The following CPQ variants were observed in gnomAD, a reference collection of about 807,000 sequenced individuals.
CPQ encodes carboxypeptidase Q, also known as Ser-Met dipeptidase.
A neutral mutation model predicts 45.7 loss-of-function variants in CPQ; 37 were observed. The observed-to-expected ratio is 0.81, with a 90% confidence interval of 0.62 to 1.07. CPQ has a LOEUF of 1.07. Ranked by LOEUF, CPQ falls within the 50% of genes least tolerant of loss-of-function variation. The probability of loss-of-function intolerance (pLI) is 0.00; values close to 1 mark genes in which losing one functional copy is unlikely to be tolerated. For synonymous variants in CPQ, 186 were observed against 205.8 expected (o/e 0.90, Z 0.82); for missense variants, 537 against 572.9 (o/e 0.94, Z 0.64).
At chr8:96,756,592 G>T (rs1440399997) in intron 1 of CPQ, among the ~76,000 whole-genome samples, 9 of 152,056 alleles carry the variant, frequency 5.9e-5, no homozygotes, top group Admixed American at 5.2e-4. Flanking sequence ...TAAAGGTCAA[G>T]ATTAAATGGA....
At chr8:97,017,557 G>A (rs912060435) in intron 5 of CPQ, among the ~76,000 whole-genome samples, 12 of 151,890 alleles carry the variant, frequency 7.9e-5, no homozygotes, top group African/African-American at 2.9e-4. Context: ...CAGACTTGGT[G>A]CTGTTGGGAG....
chr8:97,021,534 C>G (rs1809683065), intron 5 of CPQ, among the ~76,000 whole-genome samples: 1 of 152,120 alleles, frequency 6.6e-6, no homozygotes, highest in African/African-American at 2.4e-5. Flanking sequence ...AATTAACGTA[C>G]AGAAATCAGT....
At chr8:96,796,130 CAGTGTATCTTCA>C (rs528366242) in intron 2 of CPQ, among the ~76,000 whole-genome samples, 61 of 152,108 alleles carry the variant, frequency 4.0e-4, no homozygotes, top group Non-Finnish European at 7.9e-4. Context: ...CTCTTATTAG[CAGTGTATCTTCA>C]AAACCCTGCA....
chr8:97,099,113 CTCT>C (rs1811256989), intron 7 of CPQ, among the ~76,000 whole-genome samples: 4 of 90,524 alleles, frequency 4.4e-5, no homozygotes, highest in Middle Eastern at 6.0e-3. Context: ...TCCCTTCTCT[CTCT>C]TTTTTTTTTT....
At chr8:96,960,610 G>A (rs1813443113) in intron 4 of CPQ, among the ~76,000 whole-genome samples, 1 of 152,096 alleles carries the variant, frequency 6.6e-6, no homozygotes, top group African/African-American at 2.4e-5. Context: ...GTCTTTGAAG[G>A]TCACTGTGTT....
chr8:96,950,793 C>T (rs1003807074), intron 4 of CPQ, among the ~76,000 whole-genome samples: 2 of 152,160 alleles, frequency 1.3e-5, no homozygotes, highest in East Asian at 1.9e-4. Flanking sequence ...ACCTTCCTTA[C>T]AATTGCTGTT....
At chr8:97,099,478 G>T (rs910658269) in intron 7 of CPQ, among the ~76,000 whole-genome samples, 1 of 151,430 alleles carries the variant, frequency 6.6e-6, no homozygotes, top group Non-Finnish European at 1.5e-5. Context: ...GAAGGGGCAG[G>T]TATTTTCTTT....
intron 1 of CPQ, among the ~76,000 whole-genome samples, chr8:96,677,466 A>T (rs949017746): frequency 6.6e-6 from 1 of 151,960 alleles, no homozygotes; most frequent in African/African-American, 2.4e-5. Context: ...GGCTGTTTGT[A>T]TGTCTTCTTT....
At chr8:96,929,100 G>T (rs1441480880) in intron 4 of CPQ, among the ~76,000 whole-genome samples, 1 of 152,174 alleles carries the variant, frequency 6.6e-6, no homozygotes, top group African/African-American at 2.4e-5. Flanking sequence ...AGCTTGCTCG[G>T]GCTTTTGAAT....
intron 2 of CPQ, among the ~76,000 whole-genome samples, chr8:96,815,568 T>A (rs1811217115): frequency 6.6e-6 from 1 of 152,114 alleles, no homozygotes; most frequent in Admixed American, 6.6e-5. Flanking sequence ...GGATTTTGAA[T>A]TCTCTGATCC....
At chr8:96,922,554 G>A (rs985508065) in intron 4 of CPQ, among the ~76,000 whole-genome samples, 2 of 152,122 alleles carry the variant, frequency 1.3e-5, no homozygotes, top group Non-Finnish European at 2.9e-5. Context: ...TGACTGACTG[G>A]TGGCCAAAAC....
intron 4 of CPQ, among the ~76,000 whole-genome samples, chr8:96,929,197 A>T (rs1812937030): frequency 6.6e-6 from 1 of 152,182 alleles, no homozygotes. Flanking sequence ...CAGGGGAAGG[A>T]CTAAAACTGC....
chr8:96,929,001 T>C (rs555416185), intron 4 of CPQ, among the ~76,000 whole-genome samples: 9 of 152,316 alleles, frequency 5.9e-5, no homozygotes, highest in African/African-American at 1.7e-4. Context: ...AAAATTATAA[T>C]TTATTCCCAA....
intron 7 of CPQ, among the ~76,000 whole-genome samples, chr8:97,113,607 C>T (rs1256698771): frequency 6.6e-6 from 1 of 152,126 alleles, no homozygotes; most frequent in Non-Finnish European, 1.5e-5. Context: ...CTCTGTGGTG[C>T]ATTCCCAGTT....
At chr8:97,094,435 C>T (rs191135624) in intron 7 of CPQ, among the ~76,000 whole-genome samples, 24 of 152,142 alleles carry the variant, frequency 1.6e-4, no homozygotes, top group Non-Finnish European at 3.2e-4. Flanking sequence ...CACTCCTCTA[C>T]CTTCGCTGCC....
chr8:96,666,121 T>G (rs1808921857), intron 1 of CPQ, among the ~76,000 whole-genome samples: 1 of 152,094 alleles, frequency 6.6e-6, no homozygotes, highest in Admixed American at 6.5e-5. Context: ...CTAGTTTGAA[T>G]GATTTTCGTG....
At chr8:96,833,484 C>T (rs551505772) in intron 2 of CPQ, among the ~76,000 whole-genome samples, 1 of 152,212 alleles carries the variant, frequency 6.6e-6, no homozygotes, top group South Asian at 2.1e-4. Context: ...AGTGGACTAT[C>T]GAACCTGTTA....
chr8:96,901,856 C>T (rs1812515889), intron 4 of CPQ, among the ~76,000 whole-genome samples: 1 of 152,176 alleles, frequency 6.6e-6, no homozygotes, highest in Non-Finnish European at 1.5e-5. Context: ...GCAATGTAGT[C>T]AGACAGCCAA....
chr8:96,945,350 A>G (rs1813175986), intron 4 of CPQ, among the ~76,000 whole-genome samples: 1 of 152,176 alleles, frequency 6.6e-6, no homozygotes, highest in African/African-American at 2.4e-5. Flanking sequence ...CATAATGCAG[A>G]TAGTATATTG....
Sources: allele counts gnomAD v4.1 joint callset (sites outside exome capture counted in the v4.1 genomes callset), GRCh38; gene constraint gnomAD v4.1.1; transcripts MANE v1.5; gene names NCBI Gene and HGNC (gene_info 2026-07-23, HGNC 2026-07-21).